LARGE1: variants seen among roughly 807,000 people sequenced by gnomAD.
The protein encoded by LARGE1 is LARGE xylosyl- and glucuronyltransferase 1, also known as xylosyl- and glucuronyltransferase LARGE1.
A neutral mutation model predicts 87.6 loss-of-function variants in LARGE1; 43 were observed. That is an observed-to-expected ratio of 0.49 (90% CI 0.38 to 0.63). The LOEUF is 0.63. Ranked by LOEUF, LARGE1 falls within the 30% of genes least tolerant of loss-of-function variation. The pLI, the probability that LARGE1 is intolerant of heterozygous loss-of-function variation, is 0.00. For missense variants in LARGE1, 802 were observed against 1,000.2 expected (o/e 0.80, Z 2.67); for synonymous variants, 434 against 394.6 (o/e 1.10, Z -1.18).
At chr22:33,269,032 C>G (rs923348524), downstream of LARGE1, among the ~76,000 whole-genome samples, 2 of 152,102 alleles carry the variant, frequency 1.3e-5, no homozygotes, top group East Asian at 3.9e-4. Context: ...ACTGAACTAA[C>G]AAAACAACTT....
chr22:33,104,704 T>G, the LARGE1 span, among the ~76,000 whole-genome samples: 1 of 152,248 alleles, frequency 6.6e-6, no homozygotes, highest in Non-Finnish European at 1.5e-5. Flanking sequence ...TTATGCATTT[T>G]CACATCTGCA....
At chr22:33,753,241 T>C (rs1355081232) in intron 2 of LARGE1, among the ~76,000 whole-genome samples, 2 of 151,502 alleles carry the variant, frequency 1.3e-5, no homozygotes, top group Non-Finnish European at 2.9e-5. Context: ...ATAATAATAA[T>C]AATAGTCCTA....
At chr22:33,207,526 A>G (rs2146224161) in intron 11 of LARGE1, among the ~76,000 whole-genome samples, 1 of 152,276 alleles carries the variant, frequency 6.6e-6, no homozygotes, top group South Asian at 2.1e-4. Context: ...CCTGCTGGCC[A>G]GATTACTTGC....
chr22:33,769,173 A>T (rs549920048), intron 1 of LARGE1, among the ~76,000 whole-genome samples: 1 of 152,314 alleles, frequency 6.6e-6, no homozygotes, highest in Admixed American at 6.5e-5. Context: ...TCTACGGACT[A>T]GGGTTGGCTC....
rs886449518 is a variant in LARGE1, at chr22:33,627,137, A to C, written c.409-811T>G. Among the ~76,000 whole-genome samples the C allele has an allele frequency of 3.9e-5, 6 of 152,372 alleles. No homozygotes were observed. The South Asian group carries it at 8.3e-4, about 21-fold the overall frequency. ...CAGGCACCTTAGTGTGCCACGATTG[A>C]ATTACAGGTGACAAATATACTCATC... On this transcript the variant is annotated intron_variant, in intron 3 of 14. Coordinates refer to ENST00000397394, the MANE Select transcript of LARGE1 (RefSeq NM_133642.5).
At chr22:33,277,609 A>G (rs928801759) in intron 13 of LARGE1, among the ~76,000 whole-genome samples, 3 of 152,186 alleles carry the variant, frequency 2.0e-5, no homozygotes, top group South Asian at 4.1e-4. Flanking sequence ...GCATCTATAA[A>G]TCAAAGATTG....
intron 1 of LARGE1, among the ~76,000 whole-genome samples, chr22:33,811,266 T>A (rs939990864): frequency 6.6e-6 from 1 of 152,178 alleles, no homozygotes; most frequent in African/African-American, 2.4e-5. Flanking sequence ...AAGGCAATTA[T>A]CAGTCATTAG....
chr22:33,300,153 C>T (rs1933946744), intron 12 of LARGE1, among the ~76,000 whole-genome samples: 1 of 152,142 alleles, frequency 6.6e-6, no homozygotes, highest in Non-Finnish European at 1.5e-5. Context: ...TAACCTGGCC[C>T]CTTCGACAGA....
At chr22:33,537,730 C>CA (rs1164781111) in intron 6 of LARGE1, among the ~76,000 whole-genome samples, 2 of 152,070 alleles carry the variant, frequency 1.3e-5, no homozygotes, top group African/African-American at 2.4e-5. Context: ...CCATGCCCAG[C>CA]AAAATTTTTT....
intron 3 of LARGE1, among the ~76,000 whole-genome samples, chr22:33,631,000 C>G (rs2080092725): frequency 6.6e-6 from 1 of 151,948 alleles, no homozygotes; most frequent in Non-Finnish European, 1.5e-5. Flanking sequence ...CTACAGGCGC[C>G]TGCCACCACG....
intron 4 of LARGE1, among the ~76,000 whole-genome samples, chr22:33,614,075 C>G (rs1378756561): frequency 6.6e-6 from 1 of 151,806 alleles, no homozygotes; most frequent in Non-Finnish European, 1.5e-5. Flanking sequence ...GAAAGCAAAA[C>G]TGCCTGTTTT....
At chr22:33,193,684 G>A (rs1345851886) in intron 11 of LARGE1, among the ~76,000 whole-genome samples, 3 of 151,868 alleles carry the variant, frequency 2.0e-5, no homozygotes, top group Non-Finnish European at 2.9e-5. Flanking sequence ...TAGGTGTGGT[G>A]GTGCATGCCT....
chr22:33,527,237 C>T (rs536764560), intron 6 of LARGE1, among the ~76,000 whole-genome samples: 2 of 152,306 alleles, frequency 1.3e-5, no homozygotes, highest in East Asian at 3.9e-4. Context: ...GCCTGGGCAA[C>T]AAGAGCAAAA....
intron 2 of LARGE1, chr22:33,726,002 T>C (rs1285579405): frequency 1.3e-5 from 2 of 152,040 alleles, no homozygotes; most frequent in Non-Finnish European, 2.9e-5. Flanking sequence ...TGTCATACAG[T>C]TCACAAGACA....
chr22:33,783,847 G>T (rs956222381), intron 1 of LARGE1, among the ~76,000 whole-genome samples: 1 of 152,148 alleles, frequency 6.6e-6, no homozygotes, highest in Non-Finnish European at 1.5e-5. Flanking sequence ...TGACCACCAG[G>T]CTCTACTGGA....
chr22:33,354,654 T>C (rs1044369142), intron 9 of LARGE1, among the ~76,000 whole-genome samples: 1 of 152,348 alleles, frequency 6.6e-6, no homozygotes, highest in Admixed American at 6.5e-5. Context: ...TTAAATATAA[T>C]AGCTGAATGC....
At chr22:33,919,906 A>G (rs2065895933) in intron 1 of LARGE1, 89 bp downstream of exon 1, 1 of 152,250 alleles carries the variant, frequency 6.6e-6, no homozygotes, top group Non-Finnish European at 1.5e-5. Flanking sequence ...TCCCGAGTAC[A>G]GGGGGTACCA....
intron 11 of LARGE1, among the ~76,000 whole-genome samples, chr22:33,203,376 G>A (rs987913927): frequency 2.6e-5 from 4 of 152,180 alleles, no homozygotes; most frequent in Non-Finnish European, 5.9e-5. Flanking sequence ...CCAGGCTTGT[G>A]AATTAGCCTT....
intron 6 of LARGE1, among the ~76,000 whole-genome samples, chr22:33,449,411 G>A (rs1197440773): frequency 6.6e-6 from 1 of 152,130 alleles, no homozygotes. Flanking sequence ...CAACTTTGTG[G>A]TATTGTATTA....
Sources: gnomAD v4.1 joint callset for allele counts (sites outside exome capture counted in the v4.1 genomes callset) on GRCh38, gnomAD v4.1.1 for gene constraint, MANE v1.5 for transcripts, NCBI Gene and HGNC (gene_info 2026-07-23, HGNC 2026-07-21) for gene names.